Variants in HGSNAT observed in about 807,000 individuals in gnomAD.
HGSNAT encodes transmembrane protein 76.
Under a neutral mutation model 85.2 loss-of-function variants are expected in HGSNAT, and 59 were observed. The ratio of observed to expected loss-of-function variants is 0.69; its 90% CI spans 0.56 to 0.86. HGSNAT has a LOEUF of 0.86. Among genes scored for constraint, HGSNAT ranks in the 40% least tolerant of loss-of-function variants. The pLI, the probability that HGSNAT is intolerant of heterozygous loss-of-function variation, is 0.00. For missense variants in HGSNAT, 756 were observed against 777.1 expected (o/e 0.97, Z 0.32); for synonymous variants, 321 against 304.5 (o/e 1.05, Z -0.56).
intron 11 of HGSNAT, among the ~76,000 whole-genome samples, chr8:43,190,903 A>T (rs1294728474): frequency 6.6e-6 from 1 of 151,670 alleles, no homozygotes; most frequent in Non-Finnish European, 1.5e-5. Flanking sequence ...ACCGCCAGTC[A>T]CTCCCCACAT....
rs764680385 is a variant in HGSNAT at position 43,196,931 on chromosome 8, T to G, written c.1465-17T>G. On this transcript the variant is annotated splice_polypyrimidine_tract_variant and intron_variant, in intron 14 of 17. Transcript: ENST00000379644. ...CCTTTGGCGATTCTTTTGGTCACAC[T>G]GTGTTATCTCCTCCAGGCAGGAAAA... is the stretch of plus-strand genomic sequence containing the variant. 1.3e-6 allele frequency: 2 copies of G among 1,518,616 alleles called. No homozygotes were observed. The highest frequency in any genetic ancestry group is 1.4e-5 in the African/African-American group (1 of 73,116). 94.1% of individuals were successfully genotyped at this position (1,518,616 alleles called of 1,614,324 possible).
At chr8:43,197,239 T>C in intron 15 of HGSNAT, 1 of 586,938 alleles carries the variant, frequency 1.7e-6, no homozygotes, top group African/African-American at 1.9e-5. Flanking sequence ...AAGGCAGTGT[T>C]TGCCATCAGA....
intron 14 of HGSNAT, chr8:43,194,535 C>A (rs1423940864): frequency 3.9e-5 from 38 of 982,656 alleles, no homozygotes; most frequent in Non-Finnish European, 4.4e-5. Context: ...TAACAAAATA[C>A]CCGAGACTGG....
At chr8:43,197,620 T>C in intron 15 of HGSNAT, 52 bp from the exon 16 acceptor site, 2 of 1,361,082 alleles carry the variant, frequency 1.5e-6, no homozygotes, top group South Asian at 2.4e-5. Context: ...AAACCAAGTG[T>C]TTTCTGAGAT....
intron 1 of HGSNAT, 108 bp downstream of exon 1, chr8:43,140,722 G>C (rs1168400997): frequency 2.8e-5 from 12 of 423,952 alleles, no homozygotes; most frequent in Non-Finnish European, 4.1e-5. Context: ...GGCCGGGCCG[G>C]AACCGCCCCC....
intron 2 of HGSNAT, among the ~76,000 whole-genome samples, chr8:43,155,415 T>A (rs1474079076): frequency 6.6e-6 from 1 of 152,214 alleles, no homozygotes. Flanking sequence ...TATATGTCTT[T>A]TGAGAAATAC....
intron 8 of HGSNAT, 134 bp from the exon 9 acceptor site, chr8:43,173,579 G>C: frequency 1.1e-6 from 1 of 929,984 alleles, no homozygotes; most frequent in Non-Finnish European, 1.7e-6. Context: ...ACAAAGTGTT[G>C]GGATTACGGG....
At chr8:43,151,329 C>T (rs1200239118) in intron 2 of HGSNAT, among the ~76,000 whole-genome samples, 4 of 152,160 alleles carry the variant, frequency 2.6e-5, no homozygotes, top group Non-Finnish European at 5.9e-5. Flanking sequence ...TGGTTCTCAC[C>T]TTCTCTCTGC....
chr8:43,191,380 A>T, intron 11 of HGSNAT, 94 bp from the exon 12 acceptor site: 2 of 1,490,908 alleles, frequency 1.3e-6, no homozygotes, highest in Non-Finnish European at 1.8e-6. Context: ...AAAGGCCAAG[A>T]AATGAGTCAC....
At chr8:43,192,269 G>T in intron 12 of HGSNAT, 35 bp from the exon 13 acceptor site, 2 of 1,586,454 alleles carry the variant, frequency 1.3e-6, no homozygotes, top group East Asian at 2.3e-5. Context: ...CCCTTATGAG[G>T]TCTTGTCATT....
chr8:43,186,066 C>T (rs1047708512), intron 11 of HGSNAT, among the ~76,000 whole-genome samples: 95 of 152,188 alleles, frequency 6.2e-4, no homozygotes, highest in East Asian at 3.7e-3. Context: ...ATTTTTGCAT[C>T]GATGTTCATC....
chr8:43,202,803 C>T lies in HGSNAT; in HGVS notation c.*3234C>T, dbSNP rs1391880650. ...TTCCTTTTAATGTAATTCTGTTTTC[C>T]AAATAAATGGGGGAGACAAATGGAC... is the stretch of plus-strand genomic sequence containing the variant. On this transcript the variant is annotated 3_prime_UTR_variant, in exon 18 of 18. Coordinates refer to ENST00000379644, the MANE Select transcript of HGSNAT (RefSeq NM_152419.3). 6.6e-6 allele frequency: 1 copy of T among 152,120 alleles called. No individual in the cohort carries two copies. Among genetic ancestry groups the T allele is most frequent in the African/African-American group, 2.4e-5 (1 of 41,420 alleles). 9.4% of individuals were successfully genotyped at this position (152,120 alleles called of 1,614,324 possible).
intron 1 of HGSNAT, among the ~76,000 whole-genome samples, chr8:43,143,599 G>A (rs1802619959): frequency 1.3e-5 from 2 of 151,052 alleles, no homozygotes; most frequent in Non-Finnish European, 2.9e-5. Context: ...GTGCAGTGGT[G>A]CGAACTCAGC....
rs571146798 is a variant in HGSNAT at position 43,157,318 on chromosome 8, T to C, written c.235-1257T>C. Among the ~76,000 whole-genome samples the C allele has an allele frequency of 7.4e-4, 113 of 152,332 alleles. 4 individuals carry two copies. The South Asian group carries it at 0.023, about 31-fold the overall frequency. On this transcript the variant is annotated intron_variant, in intron 2 of 17. Coordinates refer to ENST00000379644, the MANE Select transcript of HGSNAT (RefSeq NM_152419.3). ...AAATATCTAGTAACTGAACAAAAAA[T>C]GATTTTAAAATCCTAGTAAAGCTGG...
At chr8:43,197,046 G>T (rs374281896) in intron 15 of HGSNAT, 21 bp downstream of exon 15, 2 of 1,532,034 alleles carry the variant, frequency 1.3e-6, no homozygotes, top group Non-Finnish European at 1.8e-6. Flanking sequence ...AGCATTCCTC[G>T]CTAAAATTCC....
intron 11 of HGSNAT, among the ~76,000 whole-genome samples, chr8:43,191,067 A>G (rs1318022540): frequency 6.6e-6 from 1 of 152,194 alleles, no homozygotes; most frequent in Non-Finnish European, 1.5e-5. Context: ...TCCATGTTGC[A>G]TATGTCAGCA....
chr8:43,142,941 A>T (rs534136989), intron 1 of HGSNAT, among the ~76,000 whole-genome samples: 1 of 152,336 alleles, frequency 6.6e-6, no homozygotes, highest in Non-Finnish European at 1.5e-5. Flanking sequence ...AGGGATGATG[A>T]TGTGTGGAGA....
At chr8:43,141,033 C>A (rs756387994) in intron 1 of HGSNAT, among the ~76,000 whole-genome samples, 33 of 152,334 alleles carry the variant, frequency 2.2e-4, no homozygotes, top group Non-Finnish European at 3.7e-4. Flanking sequence ...TTCGGAGGGA[C>A]TTAGAGCAGG....
At chr8:43,190,741 TCA>T (rs1804499392) in intron 11 of HGSNAT, among the ~76,000 whole-genome samples, 1 of 152,238 alleles carries the variant, frequency 6.6e-6, no homozygotes, top group South Asian at 2.1e-4. Context: ...AAATTTTAAA[TCA>T]CAGGTATATT....
Sources: gnomAD v4.1 joint callset for allele counts (sites outside exome capture counted in the v4.1 genomes callset) on GRCh38, gnomAD v4.1.1 for gene constraint, MANE v1.5 for transcripts, NCBI Gene and HGNC (gene_info 2026-07-23, HGNC 2026-07-21) for gene names.